MDGA2: variants seen among roughly 807,000 people sequenced by gnomAD.
MDGA2 encodes the protein MAM domain containing glycosylphosphatidylinositol anchor 2.
Under a neutral mutation model 117.8 loss-of-function variants are expected in MDGA2, and 40 were observed. The ratio of observed to expected loss-of-function variants is 0.34; its 90% CI spans 0.26 to 0.44. MDGA2 has a LOEUF of 0.44. MDGA2 is among the 20% of genes least tolerant of loss of function. The pLI, the probability that MDGA2 is intolerant of heterozygous loss-of-function variation, is 1.00. For synonymous variants in MDGA2, 452 were observed against 439.0 expected (o/e 1.03, Z -0.37); for missense variants, 1,123 against 1,250.6 (o/e 0.90, Z 1.54).
intron 2 of MDGA2, among the ~76,000 whole-genome samples, chr14:47,255,086 A>G (rs535907148): frequency 1.3e-5 from 2 of 152,344 alleles, no homozygotes; most frequent in South Asian, 4.1e-4. Flanking sequence ...TCAAGATGAC[A>G]TTTGGGTGGG....
intron 1 of MDGA2, among the ~76,000 whole-genome samples, chr14:47,618,453 C>T (rs1447312148): frequency 6.6e-6 from 1 of 152,138 alleles, no homozygotes; most frequent in Non-Finnish European, 1.5e-5. Context: ...CTGGATGTTT[C>T]AATCATCCCC....
chr14:47,088,802 T>G (rs1358833233), intron 6 of MDGA2, among the ~76,000 whole-genome samples: 2 of 152,204 alleles, frequency 1.3e-5, no homozygotes, highest in African/African-American at 4.8e-5. Flanking sequence ...CCCACTGATA[T>G]CTTCCAGTAA....
chr14:46,873,310 T>C (rs892051747), intron 14 of MDGA2, 123 bp downstream of exon 14: 1 of 826,082 alleles, frequency 1.2e-6, no homozygotes, highest in Non-Finnish European at 1.7e-6. Flanking sequence ...TGCAGATAAA[T>C]CATTTAAAAA....
At chr14:47,259,485 C>T (rs76229936) in intron 2 of MDGA2, among the ~76,000 whole-genome samples, 4,764 of 152,152 alleles carry the variant, frequency 0.031, 171 homozygotes, top group East Asian at 0.18. Flanking sequence ...ACAATGTTCA[C>T]TGTTGGCATA....
chr14:46,840,300 T>TA lies in MDGA2; in HGVS notation c.*1630dup, dbSNP rs1880555752. On this transcript the variant is annotated 3_prime_UTR_variant, in exon 17 of 17. Transcript: ENST00000399232. Reference sequence around the variant, plus strand: ...CAATTGCTTGCATAATCAGTTTTTTTAATCCTGGGGTGTTGAAAGAACATA... The same window carrying TA: ...CAATTGCTTGCATAATCAGTTTTTTTAAATCCTGGGGTGTTGAAAGAACATA... 1 of 152,418 alleles carries TA rather than the reference T, an allele frequency of 6.6e-6. No homozygotes were observed. Among genetic ancestry groups the TA allele is most frequent in the Non-Finnish European group, 1.5e-5 (1 of 67,948 alleles). The allele number at this position is 152,418 out of a possible 1,614,324, so 9.4% of individuals were successfully genotyped here.
In MDGA2 at chr14:47,622,805, T is replaced by A. The variant is rs377321879; in HGVS notation, c.280+51712A>T. 1.2e-4 allele frequency among the ~76,000 whole-genome samples: 19 copies of A among 152,276 alleles called. No homozygotes were observed. The East Asian group carries it at 2.1e-3, about 17-fold the overall frequency. On this transcript the variant is annotated intron_variant, in intron 1 of 16. Coordinates refer to ENST00000399232, the MANE Select transcript of MDGA2 (RefSeq NM_001113498.3). ...ATGGCAACACTAGGATTGGTCATAGTCATGGGGAAGTAGATAGGTGGCTTG... is the reference window on the plus strand; with the variant it reads ...ATGGCAACACTAGGATTGGTCATAGACATGGGGAAGTAGATAGGTGGCTTG...
At chr14:47,097,571 T>C (rs1880050834) in intron 5 of MDGA2, among the ~76,000 whole-genome samples, 1 of 152,052 alleles carries the variant, frequency 6.6e-6, no homozygotes, top group Admixed American at 6.6e-5. Context: ...ATGATAAATT[T>C]TTGCAATCTG....
chr14:47,093,364 C>T (rs750869788), intron 6 of MDGA2, among the ~76,000 whole-genome samples: 22 of 152,016 alleles, frequency 1.4e-4, no homozygotes, highest in Non-Finnish European at 2.4e-4. Context: ...ACATGTTCAA[C>T]ACAGTGATTT....
At chr14:47,522,385 AC>A (rs1390840429) in intron 1 of MDGA2, among the ~76,000 whole-genome samples, 1 of 152,052 alleles carries the variant, frequency 6.6e-6, no homozygotes. Context: ...ACACACACAC[AC>A]AATTAAATAT....
chr14:46,882,182 T>A lies in MDGA2; in HGVS notation c.2278A>T (p.Asn760Tyr). 6.2e-7 allele frequency: 1 copy of A among 1,612,660 alleles called. No homozygotes were observed. Among genetic ancestry groups the A allele is most frequent in the South Asian group, 1.1e-5 (1 of 90,996 alleles). The change falls in exon 11 of 17, where the codon AAT becomes TAT. Residue 760 changes from asparagine (N) to tyrosine (Y), a missense_variant. This residue lies in a region of MDGA2 where 890 missense variants were observed against 1,050.3 expected (regional missense o/e 0.85). Coordinates refer to ENST00000399232, the MANE Select transcript of MDGA2 (RefSeq NM_001113498.3). Reference sequence around the variant, plus strand: ...AATTCTCCCTTTTGAATATTCCCATTTATTTTAATCTCCTGCTCCCACCAG... The same window carrying A: ...AATTCTCCCTTTTGAATATTCCCATATATTTTAATCTCCTGCTCCCACCAG... ...QRWWEQEIKINGNIQKGELIT... is the reference protein window; with the variant it reads ...QRWWEQEIKIYGNIQKGELIT...
intron 5 of MDGA2, among the ~76,000 whole-genome samples, chr14:47,117,641 G>A (rs147069752): frequency 3.3e-5 from 5 of 152,210 alleles, no homozygotes; most frequent in African/African-American, 1.2e-4. Context: ...TAAGTGAAAT[G>A]AGCCCGAAAG....
intron 1 of MDGA2, among the ~76,000 whole-genome samples, chr14:47,597,542 A>G (rs1362962904): frequency 6.6e-6 from 1 of 152,026 alleles, no homozygotes; most frequent in African/African-American, 2.4e-5. Flanking sequence ...TTGTATTTTT[A>G]TATCTCAGAA....
At chr14:47,606,758 G>T (rs1896750777) in intron 1 of MDGA2, among the ~76,000 whole-genome samples, 1 of 152,184 alleles carries the variant, frequency 6.6e-6, no homozygotes, top group African/African-American at 2.4e-5. Flanking sequence ...AAGAGCTGCT[G>T]TGAGTGAGTC....
chr14:47,264,276 G>T (rs1337987324), intron 2 of MDGA2, among the ~76,000 whole-genome samples: 1 of 152,016 alleles, frequency 6.6e-6, no homozygotes, highest in Non-Finnish European at 1.5e-5. Context: ...TGTCATTATA[G>T]ACATCATCAG....
chr14:46,899,458 G>A (rs1055792874), intron 10 of MDGA2, among the ~76,000 whole-genome samples: 1 of 151,912 alleles, frequency 6.6e-6, no homozygotes, highest in African/African-American at 2.4e-5. Flanking sequence ...AAGAAGTTAC[G>A]ATTTGAGCTT....
At chr14:47,169,154 CT>C (rs1884016420) in intron 3 of MDGA2, among the ~76,000 whole-genome samples, 1 of 151,922 alleles carries the variant, frequency 6.6e-6, no homozygotes, top group Admixed American at 6.6e-5. Context: ...AGCCACTTTG[CT>C]TTATTTACAT....
intron 6 of MDGA2, among the ~76,000 whole-genome samples, chr14:47,062,445 T>C (rs917310024): frequency 2.0e-5 from 3 of 151,802 alleles, no homozygotes; most frequent in African/African-American, 4.8e-5. Context: ...CAATACTCAA[T>C]ATGGAAAAGC....
chr14:47,400,418 C>CT (rs1343100117), intron 1 of MDGA2, among the ~76,000 whole-genome samples: 1 of 152,084 alleles, frequency 6.6e-6, no homozygotes, highest in Non-Finnish European at 1.5e-5. Flanking sequence ...TCTCTATCCC[C>CT]TTATACTTAG....
intron 1 of MDGA2, among the ~76,000 whole-genome samples, chr14:47,588,060 C>A (rs1158799261): frequency 2.0e-5 from 3 of 151,490 alleles, no homozygotes; most frequent in Admixed American, 6.6e-5. Context: ...TACTGCATTT[C>A]TTTCTATTAC....
Sources: allele counts gnomAD v4.1 joint callset (sites outside exome capture counted in the v4.1 genomes callset), GRCh38; gene constraint gnomAD v4.1.1; regional missense constraint gnomAD v4.1.1; transcripts MANE v1.5; gene names NCBI Gene and HGNC (gene_info 2026-07-23, HGNC 2026-07-21).